The following NEDD9 variants were observed in gnomAD, a reference collection of about 807,000 sequenced individuals.
NEDD9 encodes the protein enhancer of filamentation 1.
A neutral mutation model predicts 76.6 loss-of-function variants in NEDD9; 26 were observed. That is an observed-to-expected ratio of 0.34 (90% confidence interval 0.25 to 0.47). NEDD9 has a LOEUF of 0.47. Among genes scored for constraint, NEDD9 ranks in the 20% least tolerant of loss-of-function variants. The pLI is 1.00. For synonymous variants in NEDD9, 392 were observed against 414.2 expected, an observed-to-expected ratio of 0.95 and a Z score of 0.65; for missense variants, 937 against 1,058.5, an observed-to-expected ratio of 0.89 and a Z score of 1.59.
At chr6:11,293,665 T>C (rs1021884018) in intron 3 of NEDD9, among the ~76,000 whole-genome samples, 3 of 151,970 alleles carry the variant, frequency 2.0e-5, no homozygotes, top group African/African-American at 7.3e-5. Context: ...TCTACTGTGG[T>C]AGCAAGTTTC....
In NEDD9 at chr6:11,241,880, T is replaced by G. The variant is rs1182968158; in HGVS notation, c.13-28153A>C. 6.6e-6 allele frequency among the ~76,000 whole-genome samples: 1 copy of G among 152,012 alleles called. No homozygotes were observed. Among genetic ancestry groups the G allele is most frequent in the Non-Finnish European group, 1.5e-5 (1 of 67,996 alleles). On this transcript the variant is annotated intron_variant, in intron 3 of 3. Coordinates refer to the NEDD9 transcript ENST00000397378. The surrounding 1 kb of genome is among the most constrained non-coding windows in gnomAD (Gnocchi z 4.0). The stretch of plus-strand genomic sequence containing the variant: ...AGCCCAAGCAGCCGCCAGCTGGCGC[T>G]CGTGAGCGCATGAAAGGAATCCGGA...
intron 1 of NEDD9, among the ~76,000 whole-genome samples, chr6:11,349,727 C>T (rs1762428694): frequency 6.6e-6 from 1 of 152,102 alleles, no homozygotes; most frequent in African/African-American, 2.4e-5. Context: ...AATAAGAACA[C>T]ATGGATAGAT....
rs190876299 is a variant in NEDD9, at chr6:11,257,253, C to T, written c.13-43526G>A. Among the ~76,000 whole-genome samples, 22 of 152,310 alleles carry T rather than the reference C, an allele frequency of 1.4e-4. 1 individual carries two copies. In the East Asian group the frequency reaches 3.9e-3, roughly 27 times the overall value. ...TCAGGATGTTTCACAACAGCCGTGG[C>T]CTGCACACATTAGATGCCAGTAGCA... On this transcript the variant is annotated intron_variant, in intron 3 of 3. Transcript: ENST00000397378.
intron 2 of NEDD9, chr6:11,199,720 G>A (rs1758388005): frequency 7.7e-6 from 1 of 129,888 alleles, no homozygotes; most frequent in Non-Finnish European, 1.6e-5. Context: ...GAGTGCAGTG[G>A]TGAGATCTCG....
intron 2 of NEDD9, among the ~76,000 whole-genome samples, chr6:11,309,576 C>T (rs997417149): frequency 1.3e-5 from 2 of 152,174 alleles, no homozygotes; most frequent in Non-Finnish European, 2.9e-5. Context: ...AAATACCAAA[C>T]TGTTTCCAAA....
At chr6:11,348,533 A>G (rs927939549) in intron 1 of NEDD9, among the ~76,000 whole-genome samples, 2 of 152,234 alleles carry the variant, frequency 1.3e-5, no homozygotes, top group Non-Finnish European at 2.9e-5. Context: ...TTCAAACTAT[A>G]CTACAGGGCT....
At chr6:11,297,160 T>G (rs1760920007) in intron 3 of NEDD9, among the ~76,000 whole-genome samples, 1 of 152,086 alleles carries the variant, frequency 6.6e-6, no homozygotes, top group Admixed American at 6.5e-5. Flanking sequence ...TTTTCATTTT[T>G]TTCTGAGCCA....
intron 1 of NEDD9, among the ~76,000 whole-genome samples, chr6:11,343,183 A>T (rs1394680233): frequency 2.6e-5 from 4 of 152,130 alleles, no homozygotes; most frequent in Non-Finnish European, 5.9e-5. Context: ...TAATCCCAGC[A>T]CTTTGGGAGG....
At chr6:11,345,170 G>C (rs1175845528) in intron 1 of NEDD9, among the ~76,000 whole-genome samples, 1 of 152,168 alleles carries the variant, frequency 6.6e-6, no homozygotes, top group Non-Finnish European at 1.5e-5. Context: ...CAGATTCTTA[G>C]AGAAGAAGGA....
chr6:11,285,976 G>T (rs529185166), intron 3 of NEDD9, among the ~76,000 whole-genome samples: 1 of 152,012 alleles, frequency 6.6e-6, no homozygotes, highest in African/African-American at 2.4e-5. Flanking sequence ...ATCCATAAAA[G>T]AAAAAATTAA....
intron 2 of NEDD9, among the ~76,000 whole-genome samples, chr6:11,327,816 G>C (rs1185618161): frequency 6.6e-6 from 1 of 152,258 alleles, no homozygotes; most frequent in African/African-American, 2.4e-5. Context: ...TTGCCTTGGG[G>C]CAAATTTCCT....
chr6:11,245,926 G>A (rs1759797430), intron 3 of NEDD9, among the ~76,000 whole-genome samples: 1 of 151,422 alleles, frequency 6.6e-6, no homozygotes, highest in South Asian at 2.1e-4. Flanking sequence ...TCACTTAGGA[G>A]CATTCCACAT....
intron 3 of NEDD9, chr6:11,251,359 A>AT (rs1193330448): frequency 2.0e-5 from 3 of 152,206 alleles, no homozygotes; most frequent in Admixed American, 6.5e-5. Context: ...TATTAAACAG[A>AT]TAGGGATACT....
intron 3 of NEDD9, among the ~76,000 whole-genome samples, chr6:11,265,207 G>A (rs1474512872): frequency 6.6e-6 from 1 of 152,108 alleles, no homozygotes; most frequent in African/African-American, 2.4e-5. Context: ...TGAAACTACG[G>A]GATAATGAAT....
At position 11,190,451 on chromosome 6, in the gene NEDD9, G is replaced by A; in HGVS notation, c.1418C>T (p.Ala473Val). The A allele has an allele frequency of 1.2e-6, 2 of 1,614,214 alleles. No homozygotes were observed. The highest frequency in any genetic ancestry group is 2.2e-5 in the South Asian group (2 of 91,074). ...LHFVKGAVAN[A>V]ACLPELILHN... ...GAGGATGAGTTCCGGGAGGCAGGCA[G>A]CATTTGCAACAGCTCCCTTGACAAA... Residue 473 changes from alanine (A) to valine (V), a missense_variant, in exon 5 of 7, where the codon GCT becomes GTT. Physicochemically the swap from Ala to Val is moderately conservative, Grantham distance 64 (BLOSUM62 0). Transcript: ENST00000379446. This position sits in a 1 kb window ranked among gnomAD's most constrained non-coding sequence, Gnocchi z 5.8.
rs551487577 is a variant in NEDD9, at chr6:11,349,244, G to T, written c.-213-14683C>A. On this transcript the variant is annotated intron_variant, in intron 1 of 3. Transcript: ENST00000397378. ...ATACTATCTCACACCAGTCAGAATG[G>T]CTATTAACAAAAAATAAAAAAATAA... 2.6e-4 allele frequency among the ~76,000 whole-genome samples: 40 copies of T among 152,232 alleles called. No homozygotes were observed. The South Asian group carries it at 3.3e-3, about 13-fold the overall frequency.
intron 3 of NEDD9, among the ~76,000 whole-genome samples, chr6:11,275,879 G>A (rs1760406899): frequency 6.6e-6 from 1 of 151,994 alleles, no homozygotes; most frequent in Admixed American, 6.6e-5. Flanking sequence ...TGTAGTTATT[G>A]GCTTTGCTAA....
chr6:11,356,478 C>T (rs1207347889), intron 1 of NEDD9, among the ~76,000 whole-genome samples: 5 of 152,180 alleles, frequency 3.3e-5, no homozygotes, highest in Non-Finnish European at 5.9e-5. Flanking sequence ...GGCCAGGACA[C>T]ATCATTGTTT....
chr6:11,217,643 G>A (rs729747), intron 1 of NEDD9, among the ~76,000 whole-genome samples: 19,340 of 152,238 alleles, frequency 0.13, 1,701 homozygotes, highest in Non-Finnish European at 0.2. Context: ...AGAAAAAAAT[G>A]AGCCTCAAGA....
Sources: gnomAD v4.1 joint callset for allele counts (sites outside exome capture counted in the v4.1 genomes callset) on GRCh38, gnomAD v4.1.1 for gene constraint, Gnocchi (gnomAD v3.1) non-coding constraint, MANE v1.5 for transcripts, NCBI Gene and HGNC (gene_info 2026-07-23, HGNC 2026-07-21) for gene names.